The following AFAP1 variants were observed in gnomAD, a reference collection of about 807,000 sequenced individuals.
AFAP1 encodes the protein actin filament-associated protein 1.
AFAP1 carries 75 observed loss-of-function variants against 93.9 expected under a neutral mutation model. That is an observed-to-expected ratio of 0.80 (90% CI 0.66 to 0.97). The LOEUF (loss-of-function observed/expected upper bound fraction) is 0.97. AFAP1 is among the 50% of genes least tolerant of loss of function. The pLI is 0.00. For missense variants in AFAP1, 1,201 were observed against 1,050.8 expected (o/e 1.14, Z -1.98); for synonymous variants, 517 against 430.7 (o/e 1.20, Z -2.48).
chr4:7,936,489 C>T (rs1233627343), intron 1 of AFAP1, among the ~76,000 whole-genome samples: 2 of 151,706 alleles, frequency 1.3e-5, no homozygotes, highest in Non-Finnish European at 1.5e-5. Context: ...AGCACCTGGC[C>T]TTACTGTTTG....
Position 7,763,745 on chromosome 4 carries a change from T to G in AFAP1, c.*20A>C, listed in dbSNP as rs1714134177. 1 of 1,551,636 alleles carries G rather than the reference T, an allele frequency of 6.4e-7. No individual in the cohort carries two copies. Among genetic ancestry groups the G allele is most frequent in the East Asian group, 2.4e-5 (1 of 40,914 alleles). ...CAAGGGGGTGTGCAGTCTCTGAGGCTGGAGTGGTGCTGCTGTCCCCTAGGT... is the reference window on the plus strand; with the variant it reads ...CAAGGGGGTGTGCAGTCTCTGAGGCGGGAGTGGTGCTGCTGTCCCCTAGGT... On this transcript the variant is annotated 3_prime_UTR_variant, in exon 18 of 18. Coordinates refer to ENST00000420658, the MANE Select transcript of AFAP1 (RefSeq NM_001134647.2).
intron 1 of AFAP1, among the ~76,000 whole-genome samples, chr4:7,930,348 G>C (rs1006059395): frequency 6.7e-6 from 1 of 148,586 alleles, no homozygotes; most frequent in Non-Finnish European, 1.5e-5. Flanking sequence ...TCATAACATA[G>C]ACATGATTAA....
At chr4:7,934,625 G>C (rs767093030) in intron 1 of AFAP1, among the ~76,000 whole-genome samples, 4 of 152,202 alleles carry the variant, frequency 2.6e-5, no homozygotes, top group African/African-American at 9.7e-5. Context: ...AGAGAGGAAA[G>C]CAGGCCCGAC....
intron 8 of AFAP1, among the ~76,000 whole-genome samples, chr4:7,814,481 C>CA (rs1328465533): frequency 6.6e-6 from 1 of 152,174 alleles, no homozygotes; most frequent in African/African-American, 2.4e-5. Flanking sequence ...ATGCACAGAA[C>CA]AGATTTTTCA....
intron 2 of AFAP1, among the ~76,000 whole-genome samples, chr4:7,869,357 C>T (rs868557945): frequency 9.9e-5 from 15 of 152,224 alleles, no homozygotes; most frequent in South Asian, 2.1e-4. Context: ...GAAAGCTGCT[C>T]CCCCTCAACT....
chr4:7,855,358 C>A (rs1714927814), intron 4 of AFAP1, 108 bp downstream of exon 4: 11 of 836,782 alleles, frequency 1.3e-5, no homozygotes, highest in Non-Finnish European at 2.0e-5. Flanking sequence ...ACTTGGCCCA[C>A]AGTGTTTTAT....
intron 8 of AFAP1, among the ~76,000 whole-genome samples, chr4:7,813,981 C>A (rs375504279): frequency 4.6e-5 from 7 of 152,154 alleles, no homozygotes; most frequent in East Asian, 3.9e-4. Context: ...GTCACAGGTT[C>A]AATGAGCAAA....
chr4:7,784,989 A>G (rs1717128667), intron 12 of AFAP1, among the ~76,000 whole-genome samples: 1 of 152,144 alleles, frequency 6.6e-6, no homozygotes, highest in Non-Finnish European at 1.5e-5. Context: ...AAAACATAAC[A>G]ATAAATTTAC....
intron 6 of AFAP1, among the ~76,000 whole-genome samples, chr4:7,824,424 TACAC>T (rs10660353): frequency 4.0e-5 from 6 of 150,490 alleles, no homozygotes; most frequent in African/African-American, 1.5e-4. Flanking sequence ...AGCATTTGTG[TACAC>T]ACACACACAC....
intron 17 of AFAP1, among the ~76,000 whole-genome samples, chr4:7,767,499 C>A (rs1462347027): frequency 6.6e-6 from 1 of 152,188 alleles, no homozygotes; most frequent in East Asian, 1.9e-4. Flanking sequence ...ACATATTCCT[C>A]CATCAGTGAG....
At chr4:7,874,610 C>T (rs1487987272) in intron 1 of AFAP1, among the ~76,000 whole-genome samples, 1 of 135,632 alleles carries the variant, frequency 7.4e-6, no homozygotes, top group African/African-American at 2.8e-5. Flanking sequence ...GTCTCGATCT[C>T]CTGACCTCAT....
In AFAP1 at chr4:7,918,284, TCAC is replaced by T. The variant is rs1408238564; in HGVS notation, c.-3+21369_-3+21371del. On this transcript the variant is annotated intron_variant, in intron 1 of 17. Coordinates refer to ENST00000420658, the MANE Select transcript of AFAP1 (RefSeq NM_001134647.2). ...TGCCAGATGAGACATTCGGCCCAGGTCACCAGGAAACAGGGCTGTGGATGAGAC... is the reference window on the plus strand; with the variant it reads ...TGCCAGATGAGACATTCGGCCCAGGTCAGGAAACAGGGCTGTGGATGAGAC... Among the ~76,000 whole-genome samples the T allele has an allele frequency of 6.8e-4, 98 of 144,434 alleles. 1 individual carries two copies. Among genetic ancestry groups the T allele is most frequent in the African/African-American group, 2.4e-3 (91 of 38,422 alleles). The allele number at this position is 144,434 out of a possible 152,430, so 94.8% of individuals were successfully genotyped here.
chr4:7,794,223 G>A (rs917141251), intron 10 of AFAP1, among the ~76,000 whole-genome samples: 2 of 152,228 alleles, frequency 1.3e-5, no homozygotes, highest in African/African-American at 2.4e-5. Flanking sequence ...CTTGGGAAGC[G>A]TGACCAAGCT....
chr4:7,826,311 C>A (rs1371506683), intron 6 of AFAP1, among the ~76,000 whole-genome samples: 7 of 152,202 alleles, frequency 4.6e-5, no homozygotes, highest in African/African-American at 1.7e-4. Flanking sequence ...GTCCCCACCC[C>A]ACCCCGCCGC....
intron 1 of AFAP1, among the ~76,000 whole-genome samples, chr4:7,933,019 CAAAAA>C (rs11369145): frequency 3.9e-5 from 2 of 51,084 alleles, no homozygotes; most frequent in African/African-American, 1.8e-4. Flanking sequence ...GACTCCCTCT[CAAAAA>C]AAAAAAAAAA....
At chr4:7,938,191 G>A (rs566465158) in intron 1 of AFAP1, among the ~76,000 whole-genome samples, 3 of 151,842 alleles carry the variant, frequency 2.0e-5, no homozygotes, top group African/African-American at 7.2e-5. Flanking sequence ...GGGCAGCGGA[G>A]GGCAGAGAAA....
Position 7,873,666 on chromosome 4 carries a change from G to A in AFAP1, c.-2-1586C>T, listed in dbSNP as rs150660177. On this transcript the variant is annotated intron_variant, in intron 1 of 17. Coordinates refer to ENST00000420658, the MANE Select transcript of AFAP1 (RefSeq NM_001134647.2). Reference sequence around the variant, plus strand: ...CCCGACCAACACACACCTTTTTAACGTATCATTGAATGACATGGGAAGCAC... The same window carrying A: ...CCCGACCAACACACACCTTTTTAACATATCATTGAATGACATGGGAAGCAC... Among the ~76,000 whole-genome samples, 42 of 152,014 alleles carry A rather than the reference G, an allele frequency of 2.8e-4. No individual in the cohort carries two copies. The East Asian group carries it at 7.4e-3, about 27-fold the overall frequency.
intron 17 of AFAP1, among the ~76,000 whole-genome samples, chr4:7,767,456 G>A (rs370094731): frequency 2.0e-4 from 31 of 152,252 alleles, no homozygotes; most frequent in Middle Eastern, 3.4e-3. Flanking sequence ...GGATGTCATT[G>A]GGCAGCTCAA....
intron 1 of AFAP1, among the ~76,000 whole-genome samples, chr4:7,924,550 G>A (rs1462904522): frequency 2.0e-5 from 3 of 152,124 alleles, no homozygotes; most frequent in Non-Finnish European, 2.9e-5. Context: ...GATTAAATGT[G>A]AACGTGAAAA....
Sources: allele counts gnomAD v4.1 joint callset (sites outside exome capture counted in the v4.1 genomes callset), GRCh38; gene constraint gnomAD v4.1.1; transcripts MANE v1.5; gene names NCBI Gene and HGNC (gene_info 2026-07-23, HGNC 2026-07-21).